F13A1: variants seen among roughly 807,000 people sequenced by gnomAD.
F13A1 encodes the protein FSF, A subunit.
Under a neutral mutation model 80.1 loss-of-function variants are expected in F13A1, and 47 were observed. The ratio of observed to expected loss-of-function variants is 0.59; its 90% CI spans 0.46 to 0.75. F13A1 has a LOEUF of 0.75. F13A1 is among the 30% of genes least tolerant of loss of function. F13A1 has a pLI of 0.00. For missense variants in F13A1, 817 were observed against 930.4 expected (o/e 0.88, Z 1.59); for synonymous variants, 349 against 344.9 (o/e 1.01, Z -0.13).
At chr6:6,197,098 G>T (rs1380025445) in intron 9 of F13A1, 125 bp downstream of exon 9, 3 of 807,882 alleles carry the variant, frequency 3.7e-6, no homozygotes, top group African/African-American at 3.4e-5. Flanking sequence ...CTGTACATGT[G>T]CCCAGGAAGC....
intron 6 of F13A1, among the ~76,000 whole-genome samples, chr6:6,232,758 C>G (rs1367033932): frequency 6.6e-6 from 1 of 152,138 alleles, no homozygotes; most frequent in Non-Finnish European, 1.5e-5. Flanking sequence ...AGCCATCTCT[C>G]AGACCACACA....
rs185665191 is a variant in F13A1, at chr6:6,300,390, C to T, written c.319+4961G>A. ...CTCAGACTGCTGTGCCAGCAATCAG[C>T]GAGACTCCGTGGGCGTAGGACCCTC... On this transcript the variant is annotated intron_variant, in intron 3 of 14. Coordinates refer to ENST00000264870, the MANE Select transcript of F13A1 (RefSeq NM_000129.4). 2.0e-3 allele frequency among the ~76,000 whole-genome samples: 307 copies of T among 151,368 alleles called. 6 individuals carry two copies. The highest frequency in any genetic ancestry group is 7.1e-3 in the African/African-American group (291 of 40,702).
rs139865344 is a variant in F13A1 at position 6,269,287 on chromosome 6, T to G, written c.320-2478A>C. 4.4e-3 allele frequency among the ~76,000 whole-genome samples: 673 copies of G among 152,250 alleles called. 3 individuals carry two copies. Among genetic ancestry groups the G allele is most frequent in the African/African-American group, 0.015 (638 of 41,552 alleles). On this transcript the variant is annotated intron_variant, in intron 3 of 14. Transcript: ENST00000264870. ...TGTGATGGGGAGGGCAGCTTAATAA[T>G]TGGTAGTTATCATTACTTCCCTGTT...
At chr6:6,246,094 C>T (rs1437627158) in intron 6 of F13A1, among the ~76,000 whole-genome samples, 2 of 151,568 alleles carry the variant, frequency 1.3e-5, no homozygotes, top group Non-Finnish European at 2.9e-5. Context: ...TCTCTAGGCA[C>T]ATCTTTTCAT....
chr6:6,172,366 T>C (rs1298127053), intron 12 of F13A1, among the ~76,000 whole-genome samples: 1 of 152,176 alleles, frequency 6.6e-6, no homozygotes, highest in African/African-American at 2.4e-5. Context: ...TTACACTGAC[T>C]ATTCTTTTCC....
At chr6:6,151,685 C>T (rs1561943244) in intron 14 of F13A1, 128 bp downstream of exon 14, 15 of 1,306,210 alleles carry the variant, frequency 1.1e-5, no homozygotes, top group East Asian at 2.3e-5. Context: ...CAGAAATGGT[C>T]GGCAAGGAGG....
In F13A1 at chr6:6,190,535, C is replaced by T. The variant is rs191068961; in HGVS notation, c.1305+5262G>A. Among the ~76,000 whole-genome samples the T allele has an allele frequency of 8.4e-3, 1,265 of 151,098 alleles. 10 individuals are homozygous for T. The highest frequency in any genetic ancestry group is 0.052 in the Middle Eastern group (15 of 290). ...GGGGGTGCCTCCCAGTTAGGCTGCT[C>T]GGGGGTCAGGGGTCAGGGACCCACT... On this transcript the variant is annotated intron_variant, in intron 10 of 14. Transcript: ENST00000264870.
intron 3 of F13A1, among the ~76,000 whole-genome samples, chr6:6,291,391 T>C (rs1484712008): frequency 6.6e-6 from 1 of 152,090 alleles, no homozygotes; most frequent in Non-Finnish European, 1.5e-5. Flanking sequence ...ACACCCCTCC[T>C]CTCACCCACA....
At chr6:6,294,291 T>G (rs762493191) in intron 3 of F13A1, among the ~76,000 whole-genome samples, 1 of 152,046 alleles carries the variant, frequency 6.6e-6, no homozygotes, top group Non-Finnish European at 1.5e-5. Flanking sequence ...CCAGTGAATA[T>G]AAAGCAGGCA....
At chr6:6,319,482 C>A (rs999331059) in intron 1 of F13A1, among the ~76,000 whole-genome samples, 1 of 152,202 alleles carries the variant, frequency 6.6e-6, no homozygotes, top group African/African-American at 2.4e-5. Context: ...TCCCTTGGAG[C>A]TTGTGCAGGC....
intron 8 of F13A1, among the ~76,000 whole-genome samples, chr6:6,198,193 C>T (rs1761325442): frequency 6.6e-6 from 1 of 152,140 alleles, no homozygotes; most frequent in Admixed American, 6.5e-5. Flanking sequence ...GGGTGAATCT[C>T]TCTTTACCCT....
rs763649812 is a variant in F13A1, at chr6:6,266,786, C to T, written c.343G>A (p.Gly115Arg). Reference sequence around the variant, plus strand: ...ACTATAGGCACTGGGATGTAGGTTCCCTTGTTCTCCTGTGGGTAGCGACCT... The same window carrying T: ...ACTATAGGCACTGGGATGTAGGTTCTCTTGTTCTCCTGTGGGTAGCGACCT... ...VIGRYPQENK[G>R]TYIPVPIVSE... The change falls in exon 4 of 15, where the codon GGA becomes AGA. Residue 115 changes from glycine (G) to arginine (R), a missense_variant. Transcript: ENST00000264870. 2.5e-6 allele frequency: 4 copies of T among 1,614,006 alleles called. No individual in the cohort carries two copies. The highest frequency in any genetic ancestry group is 2.7e-5 in the African/African-American group (2 of 74,896).
chr6:6,174,746 A>G lies in F13A1; in HGVS notation c.1581T>C (p.Asn527=), dbSNP rs1310039895. 2.5e-6 allele frequency: 4 copies of G among 1,614,048 alleles called. No homozygotes were observed. Among genetic ancestry groups the G allele is most frequent in the Non-Finnish European group, 3.4e-6 (4 of 1,180,042 alleles). ...GCTTGAAGTCTTTTCCCAGCACAGC[A>G]TTTTCCACTTCAAAGTCCATGTCAA... ...SNVDMDFEVE[N]AVLGKDFKLS... is the part of the protein sequence containing the mutation. Residue 527 remains asparagine (N), a synonymous_variant, in exon 12 of 15, where the codon AAT becomes AAC. Coordinates refer to ENST00000264870, the MANE Select transcript of F13A1 (RefSeq NM_000129.4).
chr6:6,298,883 G>C (rs1221783107), intron 3 of F13A1, among the ~76,000 whole-genome samples: 1 of 148,638 alleles, frequency 6.7e-6, no homozygotes, highest in Non-Finnish European at 1.5e-5. Context: ...GCAGTGGCTG[G>C]TACTGGTTGT....
intron 6 of F13A1, among the ~76,000 whole-genome samples, chr6:6,232,836 A>G (rs1481764165): frequency 6.6e-6 from 1 of 152,212 alleles, no homozygotes; most frequent in East Asian, 1.9e-4. Context: ...AAATTAAGTA[A>G]CCTGCTCCTG....
rs988759026 is a variant in F13A1 at position 6,217,532 on chromosome 6, G to A, written c.1112+4501C>T. 1.3e-4 allele frequency among the ~76,000 whole-genome samples: 15 copies of A among 114,734 alleles called. 1 individual carries two copies. Among genetic ancestry groups the A allele is most frequent in the African/African-American group, 4.9e-4 (15 of 30,340 alleles). The allele number at this position is 114,734 out of a possible 152,430, so 75.3% of individuals were successfully genotyped here. A position where few individuals can be genotyped will look rare whatever the true frequency, so the allele number is the denominator to read the frequency against. ...ATAACACTCTGCGGCCTGTTGTGGG[G>A]TGGGGGGAGGGGGGAGGGATAGCAC... is the stretch of plus-strand genomic sequence containing the variant. On this transcript the variant is annotated intron_variant, in intron 8 of 14. Transcript: ENST00000264870.
chr6:6,198,201 C>G (rs1026287823), intron 8 of F13A1, among the ~76,000 whole-genome samples: 25 of 152,110 alleles, frequency 1.6e-4, no homozygotes, highest in African/African-American at 5.8e-4. Context: ...CTCTCTTTAC[C>G]CTTTATTAAA....
intron 3 of F13A1, among the ~76,000 whole-genome samples, chr6:6,267,609 T>C (rs1757863423): frequency 6.6e-6 from 1 of 152,198 alleles, no homozygotes; most frequent in Non-Finnish European, 1.5e-5. Flanking sequence ...CCATAATTCA[T>C]TTATTACAGT....
intron 13 of F13A1, among the ~76,000 whole-genome samples, chr6:6,164,517 G>A (rs560655166): frequency 6.6e-6 from 1 of 151,860 alleles, no homozygotes; most frequent in East Asian, 1.9e-4. Flanking sequence ...AAGGAAGGAA[G>A]GAAGGAAGGA....
Sources: gnomAD v4.1 joint callset for allele counts (sites outside exome capture counted in the v4.1 genomes callset) on GRCh38, gnomAD v4.1.1 for gene constraint, MANE v1.5 for transcripts, NCBI Gene and HGNC (gene_info 2026-07-23, HGNC 2026-07-21) for gene names.